The following DPY19L2 variants were observed in gnomAD, a reference collection of about 807,000 sequenced individuals.
DPY19L2 encodes the protein dpy-19 like 2.
DPY19L2 carries 34 observed loss-of-function variants against 97.9 expected under a neutral mutation model. The observed-to-expected ratio is 0.35, with a 90% confidence interval of 0.26 to 0.46. DPY19L2 has a LOEUF of 0.46. DPY19L2 is among the 20% of genes least tolerant of loss of function. DPY19L2 has a pLI of 1.00. For synonymous variants in DPY19L2, 230 were observed against 307.9 expected (o/e 0.75, Z 2.65); for missense variants, 623 against 911.4 (o/e 0.68, Z 4.07).
intron 6 of DPY19L2, among the ~76,000 whole-genome samples, chr12:63,634,340 G>A (rs7957180): frequency 0.28 from 42,795 of 151,736 alleles, 6,626 homozygotes; most frequent in African/African-American, 0.43. Context: ...TTCCAAGATG[G>A]CTGAATAGGA....
chr12:63,563,139 T>C (rs934017958), intron 21 of DPY19L2, among the ~76,000 whole-genome samples: 2 of 152,064 alleles, frequency 1.3e-5, no homozygotes, highest in Admixed American at 1.3e-4. Context: ...ATTATTGGGT[T>C]TTGAGAGTTT....
At chr12:63,668,797 A>T (rs1364108016), upstream of DPY19L2, 1 of 194,404 alleles carries the variant, frequency 5.1e-6, no homozygotes, top group Non-Finnish European at 1.0e-5. Flanking sequence ...ACGGGCTCCC[A>T]GCCCCACTGG....
rs1320605049 is a variant in DPY19L2, at chr12:63,612,317, C to T, written c.1219-3642G>A. On this transcript the variant is annotated intron_variant, in intron 11 of 21. Transcript: ENST00000324472. ...CTGGCTGTACACAAGTAAAATGCAC[C>T]GAAAATGGTAACTACAGGGTAAATA... 4.0e-5 allele frequency among the ~76,000 whole-genome samples: 6 copies of T among 151,680 alleles called. No individual in the cohort carries two copies. In the East Asian group the frequency reaches 9.7e-4, roughly 24 times the overall value.
intron 6 of DPY19L2, among the ~76,000 whole-genome samples, chr12:63,640,624 C>T (rs1367487668): frequency 6.6e-6 from 1 of 152,110 alleles, no homozygotes; most frequent in East Asian, 1.9e-4. Context: ...CCAATATCCT[C>T]ACAGTTTTGA....
At chr12:63,564,580 T>C (rs11533672) in intron 21 of DPY19L2, among the ~76,000 whole-genome samples, 5,936 of 152,262 alleles carry the variant, frequency 0.039, 221 homozygotes, top group East Asian at 0.14. Context: ...AATTTCATTG[T>C]AGTCAGAGAT....
intron 4 of DPY19L2, among the ~76,000 whole-genome samples, chr12:63,648,431 C>CTT (rs1345315286): frequency 2.1e-5 from 3 of 143,896 alleles, no homozygotes; most frequent in African/African-American, 5.1e-5. Context: ...CTTCCCTGGG[C>CTT]TTTTTTTTTT....
At chr12:63,611,484 G>T (rs1887003545) in intron 11 of DPY19L2, among the ~76,000 whole-genome samples, 1 of 151,682 alleles carries the variant, frequency 6.6e-6, no homozygotes. Context: ...CGACACAGAT[G>T]ACAGAATTAG....
In DPY19L2 at chr12:63,560,579, T is replaced by A; in HGVS notation, c.2210A>T (p.Glu737Val). Reference sequence around the variant, plus strand: ...TGTGGTGAAGTAAGGCCTGGCGTCTTCGAGCAGGACGCTACATAAGGGAGG... The same window carrying A: ...TGTGGTGAAGTAAGGCCTGGCGTCTACGAGCAGGACGCTACATAAGGGAGG... ...ANPPLCSVLLEDARPYFTTVF... is the reference protein window; with the variant it reads ...ANPPLCSVLLVDARPYFTTVF... Residue 737 changes from glutamate to valine, a missense_variant, in exon 22 of 22, where the codon GAA (glutamate) becomes GTA (valine). Coordinates refer to ENST00000324472, the MANE Select transcript of DPY19L2 (RefSeq NM_173812.5). The A allele has an allele frequency of 6.2e-7, 1 of 1,614,068 alleles. No individual in the cohort carries two copies. Among genetic ancestry groups the A allele is most frequent in the South Asian group, 1.1e-5 (1 of 91,082 alleles).
At chr12:63,640,432 A>G (rs541817205) in intron 6 of DPY19L2, among the ~76,000 whole-genome samples, 20 of 152,316 alleles carry the variant, frequency 1.3e-4, no homozygotes, top group African/African-American at 4.6e-4. Flanking sequence ...GGGGAAAGAT[A>G]TCAATGTATT....
intron 6 of DPY19L2, among the ~76,000 whole-genome samples, chr12:63,630,021 G>T (rs1890300299): frequency 6.6e-6 from 1 of 152,126 alleles, no homozygotes; most frequent in East Asian, 1.9e-4. Context: ...AATGCTGAGA[G>T]ATTTTGTCAC....
rs565770203 is a variant in DPY19L2, at chr12:63,648,290, T to C, written c.589-925A>G. On this transcript the variant is annotated intron_variant, in intron 4 of 21. Transcript: ENST00000324472. ...TCTTTATAAATTACCTAGTCTCAGA[T>C]ACTTTGTTCAAACAGCACAAAACAG... 1.3e-3 allele frequency among the ~76,000 whole-genome samples: 199 copies of C among 152,202 alleles called. 1 individual carries two copies. Among genetic ancestry groups the C allele is most frequent in the Middle Eastern group, 3.4e-3 (1 of 294 alleles).
chr12:63,640,086 C>A (rs1892445954), intron 6 of DPY19L2, among the ~76,000 whole-genome samples: 1 of 152,144 alleles, frequency 6.6e-6, no homozygotes, highest in Admixed American at 6.5e-5. Flanking sequence ...TCATTCTGAG[C>A]AAACTGTCCC....
chr12:63,626,689 G>A (rs1889607946), intron 6 of DPY19L2, among the ~76,000 whole-genome samples, 163 bp from the exon 7 acceptor site: 1 of 152,096 alleles, frequency 6.6e-6, no homozygotes, highest in African/African-American at 2.4e-5. Flanking sequence ...AATCCTGAAT[G>A]TATAATTCTA....
chr12:63,629,701 A>T (rs1204272232), intron 6 of DPY19L2, among the ~76,000 whole-genome samples: 2 of 152,136 alleles, frequency 1.3e-5, no homozygotes, highest in Non-Finnish European at 1.5e-5. Context: ...ATTCAAATTC[A>T]GGAAATACAG....
In DPY19L2 at chr12:63,628,198, G is replaced by A. The variant is rs142999759; in HGVS notation, c.804-1672C>T. Among the ~76,000 whole-genome samples, 1,112 of 152,260 alleles carry A rather than the reference G, an allele frequency of 7.3e-3. 14 individuals are homozygous for A. The highest frequency in any genetic ancestry group is 9.8e-3 in the Non-Finnish European group (668 of 68,008). On this transcript the variant is annotated intron_variant, in intron 6 of 21. Coordinates refer to ENST00000324472, the MANE Select transcript of DPY19L2 (RefSeq NM_173812.5). ...ACTGAGGTACTGTGTTTATCTCACT[G>A]GGGATTGTCAGAAAGTGGGTGCAGG...
chr12:63,641,335 C>T (rs150847877), intron 6 of DPY19L2, among the ~76,000 whole-genome samples: 2,225 of 152,146 alleles, frequency 0.015, 24 homozygotes, highest in Non-Finnish European at 0.021. Flanking sequence ...AAGTGCATAA[C>T]ATTTCTAGCT....
chr12:63,644,303 T>G, intron 6 of DPY19L2, 100 bp downstream of exon 6: 1 of 1,437,852 alleles, frequency 7.0e-7, no homozygotes, highest in Non-Finnish European at 9.2e-7. Context: ...TTTCCTGATA[T>G]GAATCTAATC....
intron 6 of DPY19L2, among the ~76,000 whole-genome samples, chr12:63,640,646 C>T (rs559970290): frequency 3.9e-5 from 6 of 152,256 alleles, no homozygotes; most frequent in Admixed American, 1.3e-4. Flanking sequence ...GACACCTCTA[C>T]AGTCACTATT....
intron 17 of DPY19L2, among the ~76,000 whole-genome samples, chr12:63,582,831 A>G (rs1881172849): frequency 6.6e-6 from 1 of 152,168 alleles, no homozygotes; most frequent in Admixed American, 6.5e-5. Context: ...CTGTAAGGCA[A>G]TAAGTGCAGT....
Sources: gnomAD v4.1 joint callset for allele counts (sites outside exome capture counted in the v4.1 genomes callset) on GRCh38, gnomAD v4.1.1 for gene constraint, MANE v1.5 for transcripts, NCBI Gene and HGNC (gene_info 2026-07-23, HGNC 2026-07-21) for gene names.